Variants in TRDN observed in about 807,000 individuals in gnomAD.
TRDN encodes the protein triadin in skeletal muscle.
Under a neutral mutation model 149.7 loss-of-function variants are expected in TRDN, and 161 were observed. The observed-to-expected ratio is 1.08, with a 90% CI of 0.95 to 1.23. TRDN has a LOEUF of 1.23. Ranked by LOEUF, TRDN falls within the 50% of genes most tolerant of loss-of-function variation. The probability of loss-of-function intolerance (pLI) is 0.00; values close to 1 mark genes in which losing one functional copy is unlikely to be tolerated. For synonymous variants in TRDN, 294 were observed against 250.5 expected (o/e 1.17, Z -1.64); for missense variants, 896 against 823.5 (o/e 1.09, Z -1.08).
Position 123,457,338 on chromosome 6 carries a change from G to A in TRDN, c.931+7568C>T, listed in dbSNP as rs1380729368. Among the ~76,000 whole-genome samples the A allele has an allele frequency of 3.3e-5, 5 of 152,186 alleles. No homozygotes were observed. The East Asian group carries it at 5.8e-4, about 18-fold the overall frequency. ...GATGCCCCTATCTATCTTGGCAGCT[G>A]TAGAGGGTAAGAAAAACAAAACTGC... On this transcript the variant is annotated intron_variant, in intron 10 of 40. Transcript: ENST00000334268.
intron 16 of TRDN, among the ~76,000 whole-genome samples, chr6:123,381,022 T>C (rs1340095759): frequency 6.6e-6 from 1 of 152,154 alleles, no homozygotes; most frequent in African/African-American, 2.4e-5. Context: ...AAAGAACTTC[T>C]AGTCAATTTT....
chr6:123,221,486 C>T lies in TRDN; in HGVS notation c.2050+1G>A, dbSNP rs1295530677. Reference sequence around the variant, plus strand: ...TACTTTTAATCTCATTATAAACTTACTTTTCTGCTTTGTGGGAGACACATC... The same window carrying T: ...TACTTTTAATCTCATTATAAACTTATTTTTCTGCTTTGTGGGAGACACATC... On this transcript the variant is annotated splice_donor_variant, in intron 40 of 40. Transcript: ENST00000334268. LOFTEE classifies it high-confidence loss of function. The T allele has an allele frequency of 1.9e-6, 3 of 1,557,328 alleles. No individual in the cohort carries two copies. The highest frequency in any genetic ancestry group is 4.6e-5 in the East Asian group (2 of 43,880).
intron 12 of TRDN, among the ~76,000 whole-genome samples, chr6:123,396,932 C>G (rs1772755117): frequency 6.6e-6 from 1 of 151,952 alleles, no homozygotes. Flanking sequence ...AAATGGACTG[C>G]TACACTGTCA....
At chr6:123,551,263 A>G (rs573847044) in intron 2 of TRDN, among the ~76,000 whole-genome samples, 2 of 138,478 alleles carry the variant, frequency 1.4e-5, no homozygotes, top group African/African-American at 5.4e-5. Flanking sequence ...TATTTTTATG[A>G]AGTTATCATT....
intron 9 of TRDN, among the ~76,000 whole-genome samples, chr6:123,475,677 G>A (rs1431743838): frequency 3.0e-4 from 34 of 111,832 alleles, no homozygotes; most frequent in East Asian, 1.9e-3. Flanking sequence ...CTGGCAAAAC[G>A]AATCCAGCAG....
rs71021444 is a variant in TRDN, at chr6:123,356,503, T to TTATATATA, written c.1322-3925_1322-3918dup. ...CTATGCCTCTAGGTTTACAAGAAGTTTATATATATATATATATATATATAT... is the reference window on the plus strand; with the variant it reads ...CTATGCCTCTAGGTTTACAAGAAGTTTATATATATATATATATATATATATATATATAT... On this transcript the variant is annotated intron_variant, in intron 20 of 40. Coordinates refer to ENST00000334268, the MANE Select transcript of TRDN (RefSeq NM_006073.4). 4.7e-3 allele frequency among the ~76,000 whole-genome samples: 507 copies of TTATATATA among 106,796 alleles called. 9 individuals are homozygous for TTATATATA. Among genetic ancestry groups the TTATATATA allele is most frequent in the African/African-American group, 5.5e-3 (150 of 27,476 alleles). The allele number at this position is 106,796 out of a possible 152,430, so 70.1% of individuals were successfully genotyped here.
intron 20 of TRDN, among the ~76,000 whole-genome samples, chr6:123,363,135 C>A (rs1165775436): frequency 6.6e-6 from 1 of 152,114 alleles, no homozygotes; most frequent in African/African-American, 2.4e-5. Context: ...CTTAACATTG[C>A]ACACAGTTCC....
At chr6:123,466,433 A>G (rs1776819358) in intron 9 of TRDN, among the ~76,000 whole-genome samples, 1 of 152,160 alleles carries the variant, frequency 6.6e-6, no homozygotes, top group South Asian at 2.1e-4. Context: ...GGTTAACCAG[A>G]GTTTAGGCTT....
chr6:123,409,573 AAC>A (rs1470827547), intron 12 of TRDN, among the ~76,000 whole-genome samples: 1 of 152,222 alleles, frequency 6.6e-6, no homozygotes, highest in East Asian at 1.9e-4. Context: ...TTAGCAAAGA[AAC>A]AGATTCTTCT....
At position 123,274,516 on chromosome 6, in the gene TRDN, A is replaced by T. The variant is rs1250944519; in HGVS notation, c.1597+125T>A. On this transcript the variant is annotated intron_variant, in intron 27 of 40. Transcript: ENST00000334268. ...AAAATCATGTTGAGCAATGGAGTTGACAAAATAATGAGGAACTTGGAGACT... is the reference window on the plus strand; with the variant it reads ...AAAATCATGTTGAGCAATGGAGTTGTCAAAATAATGAGGAACTTGGAGACT... The T allele has an allele frequency of 6.3e-6, 5 of 795,900 alleles. No individual in the cohort carries two copies. The Admixed American group carries it at 1.2e-4, about 19-fold the overall frequency. 49.3% of individuals were successfully genotyped at this position (795,900 alleles called of 1,614,324 possible). A position where few individuals can be genotyped will look rare whatever the true frequency, so the allele number is the denominator to read the frequency against.
chr6:123,583,743 A>T (rs916591301), intron 1 of TRDN, among the ~76,000 whole-genome samples: 1 of 152,140 alleles, frequency 6.6e-6, no homozygotes, highest in African/African-American at 2.4e-5. Flanking sequence ...ATCCAGTGAA[A>T]GTGTCTACCT....
At chr6:123,496,143 A>G (rs1266493236) in intron 9 of TRDN, among the ~76,000 whole-genome samples, 3 of 147,286 alleles carry the variant, frequency 2.0e-5, no homozygotes, top group African/African-American at 7.4e-5. Context: ...ATTATAATAT[A>G]TATTTAGTGA....
chr6:123,531,616 C>T (rs1320494055), intron 4 of TRDN, among the ~76,000 whole-genome samples: 1 of 152,046 alleles, frequency 6.6e-6, no homozygotes, highest in Non-Finnish European at 1.5e-5. Context: ...GGTCACTAAT[C>T]TACTCTTATC....
chr6:123,448,965 G>A (rs1374244445), intron 10 of TRDN, among the ~76,000 whole-genome samples: 1 of 152,182 alleles, frequency 6.6e-6, no homozygotes, highest in Admixed American at 6.5e-5. Context: ...ACCCAGAAGA[G>A]AGACAACAAT....
At chr6:123,499,719 A>AAAAAAAAAAAAAAAAAAAAATAT in intron 8 of TRDN, among the ~76,000 whole-genome samples, 6 of 47,680 alleles carry the variant, frequency 1.3e-4, no homozygotes, top group Non-Finnish European at 2.7e-4. Context: ...AAAAAAAAAA[A>AAAAAAAAAAAAAAAAAAAAATAT]ATATATATAT....
At chr6:123,616,625 T>A (rs564884976) in intron 1 of TRDN, among the ~76,000 whole-genome samples, 2 of 152,318 alleles carry the variant, frequency 1.3e-5, no homozygotes, top group Admixed American at 1.3e-4. Flanking sequence ...ATTGTTGTTT[T>A]CCTTCCTGAA....
chr6:123,425,335 T>C (rs895643488), intron 12 of TRDN, among the ~76,000 whole-genome samples: 1 of 151,520 alleles, frequency 6.6e-6, no homozygotes, highest in Non-Finnish European at 1.5e-5. Flanking sequence ...CTTCAAGAAG[T>C]CTACTGGATA....
At chr6:123,542,487 C>T (rs1257391125) in intron 4 of TRDN, among the ~76,000 whole-genome samples, 1 of 152,134 alleles carries the variant, frequency 6.6e-6, no homozygotes, top group Non-Finnish European at 1.5e-5. Flanking sequence ...ATTACAAAAC[C>T]TAATTCCTTG....
chr6:123,381,920 T>A (rs989492401), intron 15 of TRDN, among the ~76,000 whole-genome samples, 198 bp downstream of exon 15: 3 of 151,828 alleles, frequency 2.0e-5, no homozygotes, highest in African/African-American at 7.2e-5. Context: ...TACTGCGAAA[T>A]ACTTCTCATA....
Sources: gnomAD v4.1 joint callset for allele counts (sites outside exome capture counted in the v4.1 genomes callset) on GRCh38, gnomAD v4.1.1 for gene constraint, MANE v1.5 for transcripts, NCBI Gene and HGNC (gene_info 2026-07-23, HGNC 2026-07-21) for gene names.